Variants in LHFPL3 observed in about 807,000 individuals in gnomAD.
The protein encoded by LHFPL3 is LHFPL tetraspan subfamily member 3 protein.
In LHFPL3, 5 loss-of-function variants were observed where a neutral mutation model predicts 19.3. The ratio of observed to expected loss-of-function variants is 0.26; its 90% CI spans 0.14 to 0.54. The LOEUF is 0.54. LHFPL3 is among the 20% of genes least tolerant of loss of function. The pLI, the probability that LHFPL3 is intolerant of heterozygous loss-of-function variation, is 0.94. For synonymous variants in LHFPL3, 133 were observed against 126.2 expected (o/e 1.05, Z -0.36); for missense variants, 249 against 307.4 (o/e 0.81, Z 1.42).
At chr7:104,554,428 T>A (rs1432457911) in intron 1 of LHFPL3, among the ~76,000 whole-genome samples, 1 of 152,150 alleles carries the variant, frequency 6.6e-6, no homozygotes, top group Non-Finnish European at 1.5e-5. Flanking sequence ...TGGGATATAC[T>A]TTATCCCCTT....
At chr7:104,441,493 G>T (rs907996607) in intron 1 of LHFPL3, among the ~76,000 whole-genome samples, 3 of 152,062 alleles carry the variant, frequency 2.0e-5, no homozygotes, top group African/African-American at 7.2e-5. Flanking sequence ...GGATATTTAT[G>T]TTGTTTCCAT....
chr7:104,377,720 AT>A (rs1790743496), intron 1 of LHFPL3, among the ~76,000 whole-genome samples: 2 of 152,308 alleles, frequency 1.3e-5, no homozygotes, highest in African/African-American at 4.8e-5. Flanking sequence ...TTTCACTCCT[AT>A]CCCCACCTCA....
At chr7:104,680,116 G>A (rs142145725) in intron 1 of LHFPL3, among the ~76,000 whole-genome samples, 12 of 152,232 alleles carry the variant, frequency 7.9e-5, no homozygotes, top group African/African-American at 2.9e-4. Context: ...CTTCAGAGTC[G>A]CAGAGAGGAA....
At chr7:104,385,954 C>T (rs1488356270) in intron 1 of LHFPL3, among the ~76,000 whole-genome samples, 1 of 151,612 alleles carries the variant, frequency 6.6e-6, no homozygotes, top group African/African-American at 2.4e-5. Context: ...AAAAAAAAAT[C>T]ATCAAAATCA....
At chr7:104,805,635 T>C (rs1790345873) in intron 2 of LHFPL3, among the ~76,000 whole-genome samples, 1 of 152,212 alleles carries the variant, frequency 6.6e-6, no homozygotes, top group African/African-American at 2.4e-5. Context: ...TAAAGGAGGC[T>C]TCACAGAGCT....
At chr7:104,494,189 G>C (rs1793412190) in intron 1 of LHFPL3, among the ~76,000 whole-genome samples, 1 of 152,096 alleles carries the variant, frequency 6.6e-6, no homozygotes, top group Admixed American at 6.5e-5. Flanking sequence ...ATTAACAATA[G>C]AAGCAACAAC....
chr7:104,467,898 T>C (rs1046470415), intron 1 of LHFPL3, among the ~76,000 whole-genome samples: 1 of 152,238 alleles, frequency 6.6e-6, no homozygotes, highest in African/African-American at 2.4e-5. Context: ...TTTCACCTTG[T>C]AGGCTGACCC....
At chr7:104,766,824 T>C (rs1794465534) in intron 2 of LHFPL3, among the ~76,000 whole-genome samples, 1 of 152,188 alleles carries the variant, frequency 6.6e-6, no homozygotes, top group Admixed American at 6.5e-5. Context: ...TTCTCTTAAG[T>C]TTTTCTGCTC....
intron 2 of LHFPL3, among the ~76,000 whole-genome samples, chr7:104,791,645 G>A (rs750336158): frequency 3.3e-5 from 5 of 152,064 alleles, no homozygotes; most frequent in Admixed American, 6.5e-5. Context: ...TGGAACTGCC[G>A]GTTGCCTGGC....
At chr7:104,615,359 T>C (rs1791312450) in intron 1 of LHFPL3, among the ~76,000 whole-genome samples, 1 of 152,218 alleles carries the variant, frequency 6.6e-6, no homozygotes, top group African/African-American at 2.4e-5. Context: ...GCTCCATTGA[T>C]CATTCTTTTT....
At chr7:104,354,125 A>T (rs1308112496) in intron 1 of LHFPL3, among the ~76,000 whole-genome samples, 1 of 151,994 alleles carries the variant, frequency 6.6e-6, no homozygotes, top group African/African-American at 2.4e-5. Flanking sequence ...CTATAGATTT[A>T]TTTCTCTTGT....
At chr7:104,592,072 A>T in intron 1 of LHFPL3, among the ~76,000 whole-genome samples, 1 of 152,142 alleles carries the variant, frequency 6.6e-6, no homozygotes, top group East Asian at 1.9e-4. Flanking sequence ...ATCCTCCTTT[A>T]GCTCAGAGAA....
intron 1 of LHFPL3, chr7:104,622,991 G>T: frequency 2.7e-6 from 1 of 368,134 alleles, no homozygotes. Context: ...CCTGGAGGAT[G>T]CTCTCATTGT....
chr7:104,708,422 G>A (rs923087895), intron 1 of LHFPL3, among the ~76,000 whole-genome samples: 13 of 152,106 alleles, frequency 8.5e-5, no homozygotes, highest in Non-Finnish European at 1.6e-4. Context: ...TCTTATTGTA[G>A]TACAGCAGAG....
chr7:104,783,605 C>T (rs896400975), intron 2 of LHFPL3, among the ~76,000 whole-genome samples: 1 of 152,190 alleles, frequency 6.6e-6, no homozygotes, highest in South Asian at 2.1e-4. Context: ...TGCTTTCATG[C>T]TTGCATAATA....
At chr7:104,891,847 C>T (rs1158986531) in intron 2 of LHFPL3, among the ~76,000 whole-genome samples, 1 of 152,130 alleles carries the variant, frequency 6.6e-6, no homozygotes, top group Non-Finnish European at 1.5e-5. Context: ...ATGGTGTAGA[C>T]AGGCTGACAG....
chr7:104,669,319 G>A, intron 1 of LHFPL3: 1 of 1,613,876 alleles, frequency 6.2e-7, no homozygotes, highest in South Asian at 1.1e-5. Context: ...AAGGAAAGAT[G>A]AAAATAAAGT....
chr7:104,824,068 C>T (rs1450995593), intron 2 of LHFPL3, among the ~76,000 whole-genome samples: 1 of 135,538 alleles, frequency 7.4e-6, no homozygotes. Context: ...ATCACTTGAA[C>T]CCGGGAGGCA....
intron 1 of LHFPL3, among the ~76,000 whole-genome samples, chr7:104,424,815 C>G (rs1005835202): frequency 6.6e-6 from 1 of 151,840 alleles, no homozygotes; most frequent in African/African-American, 2.4e-5. Flanking sequence ...CATGGTGAAA[C>G]CCTGTCTCTA....
Sources: gnomAD v4.1 joint callset for allele counts (sites outside exome capture counted in the v4.1 genomes callset) on GRCh38, gnomAD v4.1.1 for gene constraint, MANE v1.5 for transcripts, NCBI Gene and HGNC (gene_info 2026-07-23, HGNC 2026-07-21) for gene names.